Variants in SGCD observed in about 807,000 individuals in gnomAD.
SGCD encodes sarcoglycan delta, also known as delta-sarcoglycan.
A neutral mutation model predicts 36.6 loss-of-function variants in SGCD; 18 were observed. The observed-to-expected ratio is 0.49, with a 90% CI of 0.34 to 0.73. SGCD has a LOEUF of 0.73. Among genes scored for constraint, SGCD ranks in the 30% least tolerant of loss-of-function variants. The pLI is 0.01. For missense variants in SGCD, 387 were observed against 346.7 expected (o/e 1.12, Z -0.92); for synonymous variants, 133 against 130.6 (o/e 1.02, Z -0.12).
chr5:156,298,576 CTTTT>C (rs924228753), intron 3 of SGCD, among the ~76,000 whole-genome samples: 2 of 110,520 alleles, frequency 1.8e-5, no homozygotes. Context: ...TTTTTCTTTT[CTTTT>C]TTTTTTTTTT....
chr5:156,018,315 G>C (rs182837323), intron 1 of SGCD, among the ~76,000 whole-genome samples: 2 of 152,064 alleles, frequency 1.3e-5, no homozygotes, highest in Non-Finnish European at 2.9e-5. Flanking sequence ...ATATCCGCTA[G>C]TGTCTGTTAA....
intron 1 of SGCD, among the ~76,000 whole-genome samples, chr5:156,076,977 A>G (rs10071682): frequency 0.019 from 2,818 of 152,294 alleles, 80 homozygotes; most frequent in African/African-American, 0.064. Flanking sequence ...TGTTTGTTTT[A>G]CTGCTTTTAA....
chr5:156,416,171 G>A (rs1038697935), intron 3 of SGCD, among the ~76,000 whole-genome samples: 1 of 152,176 alleles, frequency 6.6e-6, no homozygotes, highest in Non-Finnish European at 1.5e-5. Context: ...ATGTTCTATG[G>A]AATACTACTC....
At chr5:155,900,657 G>A (rs1294369551) in intron 1 of SGCD, among the ~76,000 whole-genome samples, 2 of 144,296 alleles carry the variant, frequency 1.4e-5, no homozygotes, top group Non-Finnish European at 3.0e-5. Flanking sequence ...TCCCACCTAT[G>A]AGTGAGAATA....
chr5:156,579,919 G>A (rs1472888477), intron 4 of SGCD, among the ~76,000 whole-genome samples: 3 of 152,086 alleles, frequency 2.0e-5, no homozygotes, highest in East Asian at 1.9e-4. Context: ...TTACATTTAA[G>A]GTTAATATTG....
chr5:156,085,138 G>A (rs1301091483), intron 1 of SGCD, among the ~76,000 whole-genome samples: 1 of 152,060 alleles, frequency 6.6e-6, no homozygotes. Flanking sequence ...GTTCATGAGA[G>A]ATACTTGTCT....
chr5:156,653,707 T>G (rs1202467912), intron 7 of SGCD, among the ~76,000 whole-genome samples: 2 of 152,134 alleles, frequency 1.3e-5, no homozygotes, highest in Non-Finnish European at 2.9e-5. Flanking sequence ...CATTTCATGG[T>G]GCCACATATT....
intron 1 of SGCD, among the ~76,000 whole-genome samples, chr5:156,048,324 T>C (rs1759825442): frequency 6.6e-6 from 1 of 152,212 alleles, no homozygotes; most frequent in Non-Finnish European, 1.5e-5. Flanking sequence ...TTATAATCCT[T>C]TGGGTATATA....
chr5:156,180,277 A>C (rs1763571346), intron 3 of SGCD, among the ~76,000 whole-genome samples: 1 of 152,240 alleles, frequency 6.6e-6, no homozygotes, highest in Non-Finnish European at 1.5e-5. Context: ...ATGGTGAACT[A>C]TTAAAAGCTT....
At chr5:156,222,386 CATTAGTGATTTCACAGACTTAAA>C (rs1764736928) in intron 3 of SGCD, among the ~76,000 whole-genome samples, 1 of 152,120 alleles carries the variant, frequency 6.6e-6, no homozygotes, top group African/African-American at 2.4e-5. Context: ...TTCTACTTTA[CATTAGTGATTTCACAGACTTAAA>C]ATTTTTTTTT....
rs902389470 is a variant in SGCD at position 156,766,205 on chromosome 5, T to G, written c.*6815T>G. Reference sequence around the variant, plus strand: ...AAAGACAAATATCTTACTTTTGATCTTTGACACTATTTGGTCAGTATTCTT... The same window carrying G: ...AAAGACAAATATCTTACTTTTGATCGTTGACACTATTTGGTCAGTATTCTT... On this transcript the variant is annotated 3_prime_UTR_variant, in exon 9 of 9. Coordinates refer to ENST00000337851, the MANE Select transcript of SGCD (RefSeq NM_000337.6). The G allele has an allele frequency of 1.3e-5, 2 of 152,200 alleles. No homozygotes were observed. Among genetic ancestry groups the G allele is most frequent in the African/African-American group, 4.8e-5 (2 of 41,448 alleles). 9.4% of individuals were successfully genotyped at this position (152,200 alleles called of 1,614,324 possible).
At chr5:156,390,604 C>T (rs1218222319) in intron 3 of SGCD, among the ~76,000 whole-genome samples, 1 of 152,052 alleles carries the variant, frequency 6.6e-6, no homozygotes. Flanking sequence ...GTGGCATGTA[C>T]CTGTAATCTC....
At chr5:156,121,239 A>T (rs554843493) in intron 2 of SGCD, among the ~76,000 whole-genome samples, 61 of 152,312 alleles carry the variant, frequency 4.0e-4, no homozygotes, top group African/African-American at 1.4e-3. Context: ...AGCAGTAAAA[A>T]CTTTAAAAAT....
intron 3 of SGCD, among the ~76,000 whole-genome samples, chr5:156,176,988 A>G (rs1763489677): frequency 6.6e-6 from 1 of 152,128 alleles, no homozygotes; most frequent in Non-Finnish European, 1.5e-5. Flanking sequence ...AAAACAAATT[A>G]AGGTAATTTT....
chr5:156,543,979 C>T (rs1005763827), intron 4 of SGCD, among the ~76,000 whole-genome samples: 14 of 152,162 alleles, frequency 9.2e-5, no homozygotes, highest in Non-Finnish European at 1.9e-4. Context: ...GGAAGTAGCT[C>T]AGAGAGCTCA....
chr5:156,544,410 G>A (rs1758476411), intron 4 of SGCD, among the ~76,000 whole-genome samples: 1 of 152,152 alleles, frequency 6.6e-6, no homozygotes, highest in African/African-American at 2.4e-5. Flanking sequence ...CAGAAAATCT[G>A]AAATGTGTAA....
Position 156,763,705 on chromosome 5 carries a change from T to C in SGCD, c.*4315T>C, listed in dbSNP as rs1397936477. On this transcript the variant is annotated 3_prime_UTR_variant, in exon 9 of 9. Transcript: ENST00000337851. ...TCCCTTTTGCTCATCCAGGGTTTCA[T>C]ACTCAATATCGCTTAAAAAAAAAAA... 1.3e-4 allele frequency: 19 copies of C among 151,654 alleles called. No individual in the cohort carries two copies. Among genetic ancestry groups the C allele is most frequent in the Admixed American group, 1.2e-3 (18 of 15,232 alleles). The allele number at this position is 151,654 out of a possible 1,614,324, so 9.4% of individuals were successfully genotyped here. A position where few individuals can be genotyped will look rare whatever the true frequency, so the allele number is the denominator to read the frequency against.
chr5:156,579,920 G>A (rs1381834988), intron 4 of SGCD, among the ~76,000 whole-genome samples: 1 of 152,100 alleles, frequency 6.6e-6, no homozygotes, highest in Admixed American at 6.5e-5. Context: ...TACATTTAAG[G>A]TTAATATTGT....
intron 3 of SGCD, among the ~76,000 whole-genome samples, chr5:156,346,702 T>C (rs1376376238): frequency 6.6e-6 from 1 of 152,226 alleles, no homozygotes; most frequent in African/African-American, 2.4e-5. Context: ...TCCAAGGTAA[T>C]AGTTCTAGAG....
Sources: allele counts gnomAD v4.1 joint callset (sites outside exome capture counted in the v4.1 genomes callset), GRCh38; gene constraint gnomAD v4.1.1; transcripts MANE v1.5; gene names NCBI Gene and HGNC (gene_info 2026-07-23, HGNC 2026-07-21).